TANC2: variants seen among roughly 807,000 people sequenced by gnomAD.
The protein encoded by TANC2 is protein TANC2.
Under a neutral mutation model 210.5 loss-of-function variants are expected in TANC2, and 26 were observed. That is an observed-to-expected ratio of 0.12 (90% CI 0.09 to 0.17). The LOEUF (loss-of-function observed/expected upper bound fraction) is 0.17, where lower values mean the gene tolerates loss of function less well. TANC2 is among the 10% of genes least tolerant of loss of function. The probability of loss-of-function intolerance (pLI) is 1.00; values close to 1 mark genes in which losing one functional copy is unlikely to be tolerated. For synonymous variants in TANC2, 931 were observed against 967.1 expected, an observed-to-expected ratio of 0.96 and a Z score of 0.69; for missense variants, 2,129 against 2,608.9, an observed-to-expected ratio of 0.82 and a Z score of 4.01.
chr17:63,055,498 C>T lies in TANC2; in HGVS notation c.68-18445C>T, dbSNP rs1021489208. Reference sequence around the variant, plus strand: ...CTTTTTTTTATTTCTGCACTTCTTACATCAGTGGGTTGTCCTTTGTAAAGT... The same window carrying T: ...CTTTTTTTTATTTCTGCACTTCTTATATCAGTGGGTTGTCCTTTGTAAAGT... On this transcript the variant is annotated intron_variant, in intron 2 of 27. Transcript: ENST00000689528. Among the ~76,000 whole-genome samples the T allele has an allele frequency of 2.6e-5, 4 of 152,010 alleles. No homozygotes were observed. The East Asian group carries it at 5.8e-4, about 22-fold the overall frequency.
chr17:63,216,863 C>T (rs529483841), intron 7 of TANC2, among the ~76,000 whole-genome samples: 8 of 152,174 alleles, frequency 5.3e-5, no homozygotes, highest in African/African-American at 1.9e-4. Flanking sequence ...CTTAAGTGGA[C>T]TCAAACTAAA....
chr17:63,298,325 A>G (rs2044601951), intron 9 of TANC2, among the ~76,000 whole-genome samples: 1 of 152,236 alleles, frequency 6.6e-6, no homozygotes. Context: ...ATGAATGGAT[A>G]AGCATCATGG....
chr17:63,080,509 C>T (rs1002221099), intron 3 of TANC2, among the ~76,000 whole-genome samples: 13 of 152,278 alleles, frequency 8.5e-5, no homozygotes, highest in African/African-American at 2.4e-4. Context: ...AAAATGCGGA[C>T]GATGTGGCTT....
At chr17:63,351,226 GTAA>G in intron 12 of TANC2, 21 bp from the exon 13 acceptor site, 1 of 1,575,814 alleles carries the variant, frequency 6.3e-7, no homozygotes, top group South Asian at 1.2e-5. Context: ...TAATTATTAA[GTAA>G]TGTGTTTCTT....
intron 9 of TANC2, among the ~76,000 whole-genome samples, chr17:63,280,406 T>C (rs2044025059): frequency 6.6e-6 from 1 of 152,094 alleles, no homozygotes; most frequent in Non-Finnish European, 1.5e-5. Flanking sequence ...ATTGACCTAC[T>C]CTCTATATAG....
chr17:63,097,736 A>G (rs1249092173), intron 3 of TANC2, among the ~76,000 whole-genome samples: 2 of 152,292 alleles, frequency 1.3e-5, no homozygotes, highest in East Asian at 3.9e-4. Flanking sequence ...TTCTCCCATT[A>G]TGAGCATTGT....
At chr17:63,207,158 G>A (rs1246747405) in intron 7 of TANC2, among the ~76,000 whole-genome samples, 1 of 124,694 alleles carries the variant, frequency 8.0e-6, no homozygotes, top group African/African-American at 3.0e-5. Flanking sequence ...TAGATCTCAT[G>A]TTTTCAATTT....
chr17:63,382,842 G>A (rs866283773), intron 15 of TANC2, among the ~76,000 whole-genome samples: 24 of 152,088 alleles, frequency 1.6e-4, no homozygotes, highest in South Asian at 2.1e-4. Flanking sequence ...GTTTTTTAAT[G>A]CTATAAGATT....
intron 1 of TANC2, among the ~76,000 whole-genome samples, chr17:62,994,638 C>T (rs944179942): frequency 6.6e-6 from 1 of 152,030 alleles, no homozygotes; most frequent in Non-Finnish European, 1.5e-5. Context: ...TTGTCTGTTA[C>T]TAATTTGGTA....
intron 8 of TANC2, among the ~76,000 whole-genome samples, chr17:63,242,313 A>G (rs1452759742): frequency 6.6e-6 from 1 of 152,102 alleles, no homozygotes; most frequent in Non-Finnish European, 1.5e-5. Flanking sequence ...ATACAGAAGG[A>G]AAAGTAAAAG....
chr17:63,255,253 C>T (rs1376161821), intron 8 of TANC2, among the ~76,000 whole-genome samples: 5 of 151,818 alleles, frequency 3.3e-5, no homozygotes, highest in African/African-American at 4.8e-5. Context: ...TACAGGCGCC[C>T]GGCTAATTTT....
At chr17:63,010,949 G>A (rs2033841045) in intron 2 of TANC2, among the ~76,000 whole-genome samples, 1 of 151,990 alleles carries the variant, frequency 6.6e-6, no homozygotes, top group Non-Finnish European at 1.5e-5. Context: ...TTTTATGGAG[G>A]CTCCATTATG....
chr17:63,132,803 C>G (rs748605961), intron 4 of TANC2, among the ~76,000 whole-genome samples: 9 of 152,280 alleles, frequency 5.9e-5, no homozygotes, highest in Non-Finnish European at 1.3e-4. Context: ...ACTGCACATT[C>G]CAGCAACAAG....
At chr17:63,000,891 A>G (rs2033341308) in intron 1 of TANC2, among the ~76,000 whole-genome samples, 3 of 151,890 alleles carry the variant, frequency 2.0e-5, no homozygotes, top group Admixed American at 6.6e-5. Context: ...CATTTAATCA[A>G]AATGTAACTA....
In TANC2 at chr17:63,412,562, T is replaced by TA; in HGVS notation, c.3899-117dup. 4.2e-6 allele frequency: 4 copies of TA among 957,982 alleles called. No individual in the cohort carries two copies. Among genetic ancestry groups the TA allele is most frequent in the Non-Finnish European group, 6.3e-6 (4 of 632,384 alleles). 59.3% of individuals were successfully genotyped at this position (957,982 alleles called of 1,614,324 possible). On this transcript the variant is annotated intron_variant, in intron 23 of 27. Transcript: ENST00000689528. This position sits in a 1 kb window ranked among gnomAD's most constrained non-coding sequence, Gnocchi z 4.2. ...AGACCTATAGACGAGGGTTGGCTGA[T>TA]ATGCTGGCTTTGTGCTGCCTGCCTC...
intron 11 of TANC2, among the ~76,000 whole-genome samples, chr17:63,336,435 ACT>A (rs1179799449): frequency 6.6e-6 from 1 of 152,180 alleles, no homozygotes; most frequent in East Asian, 1.9e-4. Context: ...AAGGCCTGTG[ACT>A]CAACGCAAGC....
At chr17:63,332,952 A>G (rs895004403) in intron 11 of TANC2, among the ~76,000 whole-genome samples, 7 of 152,182 alleles carry the variant, frequency 4.6e-5, no homozygotes, top group African/African-American at 1.7e-4. Flanking sequence ...TTTTAAGCCC[A>G]CTATTGAGAT....
At chr17:63,238,663 A>C (rs2146060237) in intron 8 of TANC2, among the ~76,000 whole-genome samples, 1 of 152,334 alleles carries the variant, frequency 6.6e-6, no homozygotes, top group African/African-American at 2.4e-5. Flanking sequence ...GGTTAAAAAA[A>C]ATTGTATTAG....
intron 9 of TANC2, among the ~76,000 whole-genome samples, chr17:63,304,328 G>A (rs1198055647): frequency 6.6e-6 from 1 of 152,120 alleles, no homozygotes; most frequent in African/African-American, 2.4e-5. Flanking sequence ...GCAATGGTCA[G>A]GTCCCTCTTC....
Sources: allele counts gnomAD v4.1 joint callset (sites outside exome capture counted in the v4.1 genomes callset), GRCh38; gene constraint gnomAD v4.1.1; non-coding constraint Gnocchi (gnomAD v3.1); transcripts MANE v1.5; gene names NCBI Gene and HGNC (gene_info 2026-07-23, HGNC 2026-07-21).